CLVS1: variants seen among roughly 807,000 people sequenced by gnomAD.
CLVS1 encodes the protein clavesin 1, also known as clavesin-1.
In CLVS1, 10 loss-of-function variants were observed where a neutral mutation model predicts 33.1. That is an observed-to-expected ratio of 0.30 (90% CI 0.19 to 0.51). The LOEUF (loss-of-function observed/expected upper bound fraction) is 0.51, where lower values mean the gene tolerates loss of function less well. CLVS1 is among the 20% of genes least tolerant of loss of function. The pLI is 0.97. For synonymous variants in CLVS1, 163 were observed against 166.1 expected (o/e 0.98, Z 0.14); for missense variants, 343 against 433.4 (o/e 0.79, Z 1.85).
chr8:61,454,953 C>A (rs1199268720), intron 4 of CLVS1, among the ~76,000 whole-genome samples: 2 of 152,178 alleles, frequency 1.3e-5, no homozygotes, highest in African/African-American at 4.8e-5. Context: ...CTAATGAAAA[C>A]ATGTATCATG....
At chr8:61,385,646 C>T (rs369096880) in intron 3 of CLVS1, among the ~76,000 whole-genome samples, 1 of 152,256 alleles carries the variant, frequency 6.6e-6, no homozygotes, top group Non-Finnish European at 1.5e-5. Flanking sequence ...GAAACAATGT[C>T]ATGAAAACTA....
intron 2 of CLVS1, among the ~76,000 whole-genome samples, chr8:61,308,143 C>T (rs904040724): frequency 3.3e-5 from 5 of 152,310 alleles, no homozygotes; most frequent in African/African-American, 1.2e-4. Context: ...TCTTCAGCTG[C>T]ATAGTCTTTA....
intron 2 of CLVS1, chr8:61,202,837 G>A: frequency 1.0e-6 from 1 of 957,248 alleles, no homozygotes; most frequent in East Asian, 2.4e-5. Flanking sequence ...TGCTGATGAA[G>A]ATGATGATGA....
chr8:61,003,070 G>A, the CLVS1 span, among the ~76,000 whole-genome samples: 2 of 152,174 alleles, frequency 1.3e-5, no homozygotes, highest in African/African-American at 4.8e-5. Flanking sequence ...AGACAGATAG[G>A]TAGATAGAGA....
intron 1 of CLVS1, among the ~76,000 whole-genome samples, chr8:61,106,262 CTAAA>C (rs1360131147): frequency 6.6e-6 from 1 of 152,114 alleles, no homozygotes; most frequent in Non-Finnish European, 1.5e-5. Flanking sequence ...ATGGAATTCT[CTAAA>C]AAACAAACAG....
chr8:61,187,988 T>A (rs1807377849), intron 2 of CLVS1, among the ~76,000 whole-genome samples: 1 of 152,030 alleles, frequency 6.6e-6, no homozygotes, highest in African/African-American at 2.4e-5. Context: ...GCAGAAAAAT[T>A]GCATGAGCAT....
the CLVS1 span, among the ~76,000 whole-genome samples, chr8:60,994,548 T>C: frequency 6.6e-6 from 1 of 152,192 alleles, no homozygotes; most frequent in African/African-American, 2.4e-5. Context: ...GAATTAGCAG[T>C]CAGGCCCTAT....
At chr8:61,329,374 T>C (rs902860466) in intron 2 of CLVS1, among the ~76,000 whole-genome samples, 2 of 152,210 alleles carry the variant, frequency 1.3e-5, no homozygotes, top group African/African-American at 2.4e-5. Context: ...ACTATGAAAG[T>C]TTGATCCCAC....
intron 2 of CLVS1, among the ~76,000 whole-genome samples, chr8:61,225,052 C>T (rs572889015): frequency 2.0e-5 from 3 of 151,300 alleles, no homozygotes; most frequent in Admixed American, 2.0e-4. Flanking sequence ...CATGGTGGCT[C>T]ATGCCTGTAA....
intron 1 of CLVS1, among the ~76,000 whole-genome samples, chr8:61,065,511 T>C (rs1329961106): frequency 6.6e-6 from 1 of 152,150 alleles, no homozygotes; most frequent in Non-Finnish European, 1.5e-5. Context: ...TCAGGAGCAG[T>C]AGGGGTTGAA....
chr8:61,142,433 A>C (rs1806323751), intron 2 of CLVS1, among the ~76,000 whole-genome samples: 1 of 152,190 alleles, frequency 6.6e-6, no homozygotes, highest in Admixed American at 6.5e-5. Flanking sequence ...CAATGTGAAA[A>C]TGGACTAATA....
chr8:61,406,265 AT>A (rs1395104190), intron 3 of CLVS1, among the ~76,000 whole-genome samples: 2 of 152,210 alleles, frequency 1.3e-5, no homozygotes, highest in African/African-American at 4.8e-5. Context: ...CATTCAATAC[AT>A]TCCTCACGTA....
chr8:61,075,360 AC>A (rs1288219897), intron 1 of CLVS1, among the ~76,000 whole-genome samples: 3 of 152,128 alleles, frequency 2.0e-5, no homozygotes, highest in Admixed American at 6.5e-5. Flanking sequence ...ATCAGCAAGC[AC>A]CCCCAAGTTT....
chr8:61,299,985 T>C lies in CLVS1; in HGVS notation c.158T>C (p.Ile53Thr). ...NENPDVLHQD[I>T]QQVRDMIITR... is the part of the protein sequence containing the mutation. ...AACCCCGATGTTTTACATCAGGATA[T>C]TCAGCAAGTCAGGGACATGATCATC... The change falls in exon 2 of 6, where the codon ATT becomes ACT. Residue 53 changes from isoleucine (I) to threonine (T), a missense_variant. Physicochemically the swap from Ile to Thr is moderately conservative, Grantham distance 89. This residue lies in a region of CLVS1 where 88 missense variants were observed against 77.3 expected (regional missense o/e 1.14). Transcript: ENST00000325897. 2 of 1,614,066 alleles carry C rather than the reference T, an allele frequency of 1.2e-6. No individual in the cohort carries two copies. The highest frequency in any genetic ancestry group is 1.7e-6 in the Non-Finnish European group (2 of 1,179,970).
chr8:61,082,057 G>T (rs1805029297), intron 1 of CLVS1, among the ~76,000 whole-genome samples: 1 of 152,120 alleles, frequency 6.6e-6, no homozygotes, highest in Non-Finnish European at 1.5e-5. Context: ...GGCTCTAATT[G>T]AAAAAGTGAA....
Position 61,193,278 on chromosome 8 carries a change from C to A in CLVS1, c.-152+61418C>A, listed in dbSNP as rs184819903. Among the ~76,000 whole-genome samples, 68 of 152,182 alleles carry A rather than the reference C, an allele frequency of 4.5e-4. 1 individual carries two copies. The East Asian group carries it at 0.012, about 27-fold the overall frequency. ...AGCAAACTGTCACACGGACAAAAAT[C>A]CAAACACCACATGTTCTCACTCATA... On this transcript the variant is annotated intron_variant, in intron 2 of 2. Transcript: ENST00000522621.
intron 2 of CLVS1, among the ~76,000 whole-genome samples, chr8:61,351,611 G>A (rs1254951480): frequency 6.6e-6 from 1 of 151,746 alleles, no homozygotes; most frequent in Non-Finnish European, 1.5e-5. Context: ...ATCCCAAACA[G>A]GATAAAACAA....
chr8:61,198,761 C>G (rs552645175), intron 2 of CLVS1, among the ~76,000 whole-genome samples: 5 of 152,310 alleles, frequency 3.3e-5, no homozygotes, highest in Admixed American at 1.3e-4. Flanking sequence ...TTATACCACT[C>G]TGTATGTCTT....
chr8:61,032,388 C>T, the CLVS1 span, among the ~76,000 whole-genome samples: 5 of 152,196 alleles, frequency 3.3e-5, no homozygotes, highest in African/African-American at 1.2e-4. Context: ...TAACAAACTG[C>T]CACTTCGCTA....
Sources: allele counts gnomAD v4.1 joint callset (sites outside exome capture counted in the v4.1 genomes callset), GRCh38; gene constraint gnomAD v4.1.1; regional missense constraint gnomAD v4.1.1; transcripts MANE v1.5; gene names NCBI Gene and HGNC (gene_info 2026-07-23, HGNC 2026-07-21).